Variants in NRXN3 observed in about 807,000 individuals in gnomAD.
NRXN3 encodes the protein neurexin 3.
In NRXN3, 32 loss-of-function variants were observed where a neutral mutation model predicts 137.6. That is an observed-to-expected ratio of 0.23 (90% CI 0.18 to 0.31). The LOEUF (loss-of-function observed/expected upper bound fraction) is 0.31, where lower values mean the gene tolerates loss of function less well. Among genes scored for constraint, NRXN3 ranks in the 10% least tolerant of loss-of-function variants. NRXN3 has a pLI of 1.00. For synonymous variants in NRXN3, 798 were observed against 784.5 expected (o/e 1.02, Z -0.29); for missense variants, 1,574 against 2,062.5 (o/e 0.76, Z 4.59).
intron 15 of NRXN3, among the ~76,000 whole-genome samples, chr14:79,113,585 A>G (rs114935132): frequency 0.011 from 1,741 of 152,334 alleles, 32 homozygotes; most frequent in African/African-American, 0.04. Flanking sequence ...TTTGAAAAGT[A>G]GTCTTCATTC....
intron 4 of NRXN3, among the ~76,000 whole-genome samples, chr14:78,298,509 A>C (rs1200566442): frequency 6.6e-6 from 1 of 152,252 alleles, no homozygotes; most frequent in South Asian, 2.1e-4. Context: ...TAAAATATTC[A>C]AATATGCAAG....
At chr14:78,949,371 C>T (rs922628001) in intron 10 of NRXN3, among the ~76,000 whole-genome samples, 3 of 152,076 alleles carry the variant, frequency 2.0e-5, no homozygotes, top group South Asian at 2.1e-4. Flanking sequence ...TCAATCTGTC[C>T]TATTGCTAAA....
intron 10 of NRXN3, among the ~76,000 whole-genome samples, chr14:78,952,051 C>G (rs2099388132): frequency 6.6e-6 from 1 of 152,110 alleles, no homozygotes; most frequent in Non-Finnish European, 1.5e-5. Flanking sequence ...GGTCACTTGT[C>G]TTTCTCACAC....
intron 16 of NRXN3, among the ~76,000 whole-genome samples, chr14:79,532,985 G>A (rs1317828292): frequency 1.3e-5 from 2 of 152,032 alleles, no homozygotes; most frequent in African/African-American, 4.8e-5. Context: ...ATATAAAGAG[G>A]AAACTTGAAA....
chr14:79,862,051 C>A lies in NRXN3; in HGVS notation c.*87C>A. ...TTGGACGGTGAGATCTCACAGATGTCAGAACTGCTGGAACTATGAAATGGG... is the reference window on the plus strand; with the variant it reads ...TTGGACGGTGAGATCTCACAGATGTAAGAACTGCTGGAACTATGAAATGGG... On this transcript the variant is annotated 3_prime_UTR_variant, in exon 21 of 21. Transcript: ENST00000335750. 8.7e-7 allele frequency: 1 copy of A among 1,153,736 alleles called. No individual in the cohort carries two copies. The highest frequency in any genetic ancestry group is 1.2e-6 in the Non-Finnish European group (1 of 816,106). 71.5% of individuals were successfully genotyped at this position (1,153,736 alleles called of 1,614,324 possible).
At chr14:78,877,239 T>G (rs1226215418) in intron 10 of NRXN3, among the ~76,000 whole-genome samples, 1 of 152,178 alleles carries the variant, frequency 6.6e-6, no homozygotes, top group African/African-American at 2.4e-5. Flanking sequence ...TCCACTGGGG[T>G]GCTATGAGGA....
At chr14:78,278,589 T>C in intron 2 of NRXN3, 56 bp from the exon 3 acceptor site, 2 of 1,401,466 alleles carry the variant, frequency 1.4e-6, no homozygotes, top group Non-Finnish European at 2.0e-6. Context: ...CTTCTTCCTT[T>C]TTCTCCCCTT....
At chr14:79,490,292 A>T (rs990401450) in intron 16 of NRXN3, among the ~76,000 whole-genome samples, 1 of 152,182 alleles carries the variant, frequency 6.6e-6, no homozygotes, top group Non-Finnish European at 1.5e-5. Flanking sequence ...CTACCATATG[A>T]TCTATCAATC....
At chr14:79,082,659 C>T (rs1248876366) in intron 15 of NRXN3, among the ~76,000 whole-genome samples, 2 of 152,066 alleles carry the variant, frequency 1.3e-5, no homozygotes, top group Non-Finnish European at 1.5e-5. Context: ...TGGAACAATA[C>T]CTAGAGCTTC....
At chr14:78,663,005 G>A (rs1231609075) in intron 6 of NRXN3, among the ~76,000 whole-genome samples, 1 of 152,186 alleles carries the variant, frequency 6.6e-6, no homozygotes, top group Non-Finnish European at 1.5e-5. Context: ...ATGTACTTCA[G>A]ACTTATTCCC....
chr14:79,058,240 G>A (rs1328621105), intron 15 of NRXN3, among the ~76,000 whole-genome samples: 3 of 152,086 alleles, frequency 2.0e-5, no homozygotes, highest in South Asian at 2.1e-4. Context: ...CCATTAAGCA[G>A]CAATGATCAG....
In NRXN3 at chr14:79,444,772, GA is replaced by G. The variant is rs1463064652; in HGVS notation, c.3263-22448del. Among the ~76,000 whole-genome samples, 16 of 152,260 alleles carry G rather than the reference GA, an allele frequency of 1.1e-4. No homozygotes were observed. In the East Asian group the frequency reaches 3.1e-3, roughly 29 times the overall value. On this transcript the variant is annotated intron_variant, in intron 15 of 20. Coordinates refer to ENST00000335750, the MANE Select transcript of NRXN3 (RefSeq NM_001330195.2). ...GAGCGCAGGGGTTCTAGACTGCAGT[GA>G]GTTATGATCACCACTGCAGTCCAAC...
chr14:79,494,496 C>T (rs2096747685), intron 16 of NRXN3, among the ~76,000 whole-genome samples: 2 of 152,158 alleles, frequency 1.3e-5, no homozygotes, highest in African/African-American at 4.8e-5. Context: ...CACCGTCTTT[C>T]TTACCAGCCT....
intron 15 of NRXN3, among the ~76,000 whole-genome samples, chr14:79,189,135 C>G (rs888134687): frequency 2.6e-5 from 4 of 151,702 alleles, no homozygotes; most frequent in South Asian, 2.1e-4. Context: ...TTGGAACCAA[C>G]CCAAATGTCC....
At chr14:79,154,563 A>C (rs1014046682) in intron 15 of NRXN3, among the ~76,000 whole-genome samples, 1 of 151,808 alleles carries the variant, frequency 6.6e-6, no homozygotes, top group Non-Finnish European at 1.5e-5. Context: ...TTATTCACAC[A>C]TTTATATACC....
At chr14:78,561,537 T>C (rs1031624202) in intron 4 of NRXN3, among the ~76,000 whole-genome samples, 3 of 152,104 alleles carry the variant, frequency 2.0e-5, no homozygotes, top group African/African-American at 7.2e-5. Context: ...AGTCTACAGG[T>C]TTATGCCATA....
intron 15 of NRXN3, among the ~76,000 whole-genome samples, chr14:79,175,775 C>T (rs61195039): frequency 0.013 from 1,912 of 152,324 alleles, 39 homozygotes; most frequent in African/African-American, 0.042. Context: ...CCCAGAGCTT[C>T]GGCTTCTGGG....
chr14:79,506,186 T>C (rs1309376845), intron 16 of NRXN3, among the ~76,000 whole-genome samples: 1 of 152,020 alleles, frequency 6.6e-6, no homozygotes, highest in Admixed American at 6.6e-5. Context: ...AAATTACAGG[T>C]CTCATATACA....
At chr14:78,991,369 T>A (rs1192736485) in intron 15 of NRXN3, among the ~76,000 whole-genome samples, 1 of 152,208 alleles carries the variant, frequency 6.6e-6, no homozygotes, top group Non-Finnish European at 1.5e-5. Context: ...AAGAGAGTGT[T>A]CTATAGAATG....
Sources: gnomAD v4.1 joint callset for allele counts (sites outside exome capture counted in the v4.1 genomes callset) on GRCh38, gnomAD v4.1.1 for gene constraint, MANE v1.5 for transcripts, NCBI Gene and HGNC (gene_info 2026-07-23, HGNC 2026-07-21) for gene names.